Variants in BPI observed in about 807,000 individuals in gnomAD.
BPI encodes the protein bactericidal permeability-increasing protein.
BPI carries 48 observed loss-of-function variants against 57.6 expected under a neutral mutation model. That is an observed-to-expected ratio of 0.83 (90% CI 0.66 to 1.06). The LOEUF is 1.06. BPI is among the 50% of genes least tolerant of loss of function. The pLI is 0.00. For missense variants in BPI, 651 were observed against 609.7 expected, an observed-to-expected ratio of 1.07 and a Z score of -0.71; for synonymous variants, 237 against 238.2, an observed-to-expected ratio of 0.99 and a Z score of 0.05.
intron 1 of BPI, among the ~76,000 whole-genome samples, chr20:38,305,605 A>G (rs1377680623): frequency 1.3e-5 from 2 of 151,748 alleles, no homozygotes; most frequent in Non-Finnish European, 2.9e-5. Context: ...GTTATGTGTC[A>G]TTTACTTTTG....
intron 4 of BPI, 82 bp from the exon 5 acceptor site, chr20:38,311,792 C>T: frequency 7.0e-7 from 1 of 1,421,858 alleles, no homozygotes. Context: ...GGGAAGAAAG[C>T]TTTTGAGATG....
intron 5 of BPI, among the ~76,000 whole-genome samples, chr20:38,315,984 C>T (rs1264776541): frequency 6.6e-6 from 1 of 152,064 alleles, no homozygotes; most frequent in Non-Finnish European, 1.5e-5. Context: ...AGGTATCTGC[C>T]ACCATGCCTG....
At chr20:38,329,301 C>T (rs2076730431) in intron 11 of BPI, among the ~76,000 whole-genome samples, 1 of 152,172 alleles carries the variant, frequency 6.6e-6, no homozygotes, top group Non-Finnish European at 1.5e-5. Context: ...CTCTTCAGCA[C>T]ATTTGCGCTG....
intron 11 of BPI, among the ~76,000 whole-genome samples, chr20:38,327,864 G>A (rs990592062): frequency 6.6e-6 from 1 of 152,170 alleles, no homozygotes; most frequent in Non-Finnish European, 1.5e-5. Context: ...CTTGCTCGAG[G>A]TCACACATTG....
chr20:38,309,652 C>T (rs894934509), intron 3 of BPI, among the ~76,000 whole-genome samples: 1 of 152,196 alleles, frequency 6.6e-6, no homozygotes, highest in Non-Finnish European at 1.5e-5. Flanking sequence ...AGCAAAGGCA[C>T]CTTCCTCAAC....
intron 5 of BPI, among the ~76,000 whole-genome samples, chr20:38,313,719 T>C (rs930009726): frequency 1.4e-4 from 22 of 152,040 alleles, no homozygotes; most frequent in African/African-American, 5.1e-4. Flanking sequence ...GTGGGGATGA[T>C]GGTGATGATG....
chr20:38,306,012 T>A (rs1479944450), intron 1 of BPI, among the ~76,000 whole-genome samples: 3 of 152,212 alleles, frequency 2.0e-5, no homozygotes, highest in Non-Finnish European at 4.4e-5. Context: ...ATTAGGACAT[T>A]ATTTATTCAT....
In BPI at chr20:38,324,828, C is replaced by T; in HGVS notation, c.988C>T (p.Pro330Ser). The T allele has an allele frequency of 1.2e-6, 2 of 1,611,938 alleles. No homozygotes were observed. Among genetic ancestry groups the T allele is most frequent in the Non-Finnish European group, 1.7e-6 (2 of 1,178,016 alleles). ...AACCAAGTTCTTTGGAACCTTCCTA[C>T]CTGAGGTATGGAAGACCTTGCTTTC... is the stretch of plus-strand genomic sequence containing the variant. ...LTTKFFGTFL[P>S]EVAKKFPNMK... Residue 330 changes from proline (P) to serine (S), a missense_variant, in exon 9 of 15, where the codon CCT becomes TCT. Transcript: ENST00000642449.
intron 8 of BPI, 122 bp from the exon 9 acceptor site, chr20:38,324,652 T>G (rs2076702900): frequency 3.8e-6 from 3 of 794,690 alleles, no homozygotes; most frequent in Admixed American, 3.9e-5. Flanking sequence ...TGCTCTGTTG[T>G]CACATAGGGG....
At chr20:38,318,509 G>C (rs369076983) in intron 6 of BPI, 33 bp downstream of exon 6, 2 of 1,600,926 alleles carry the variant, frequency 1.2e-6, no homozygotes, top group African/African-American at 2.7e-5. Context: ...GGATAGAAAG[G>C]AACAGAAATG....
At chr20:38,314,796 T>G (rs2122513059) in intron 5 of BPI, among the ~76,000 whole-genome samples, 1 of 147,066 alleles carries the variant, frequency 6.8e-6, no homozygotes, top group South Asian at 2.2e-4. Flanking sequence ...GGTGGTATGG[T>G]GAGATTGATG....
intron 7 of BPI, among the ~76,000 whole-genome samples, chr20:38,321,188 C>T (rs1051289805): frequency 2.7e-5 from 2 of 74,200 alleles, no homozygotes; most frequent in Non-Finnish European, 5.1e-5. Context: ...TGGATGGATA[C>T]ATGGATAGAT....
In BPI at chr20:38,333,956, G is replaced by A. The variant is rs531277352; in HGVS notation, c.1273-474G>A. ...CCTCCTGGTCTCAAGTGATCTTCTC[G>A]CCTCAGCCTCCCAAAGCACTGCTGT... On this transcript the variant is annotated intron_variant, in intron 12 of 14. Coordinates refer to ENST00000642449, the MANE Select transcript of BPI (RefSeq NM_001725.3). Among the ~76,000 whole-genome samples the A allele has an allele frequency of 1.0e-4, 15 of 149,014 alleles. No homozygotes were observed. The South Asian group carries it at 1.5e-3, about 15-fold the overall frequency.
chr20:38,315,347 G>A (rs2076647127), intron 5 of BPI, among the ~76,000 whole-genome samples: 2 of 152,202 alleles, frequency 1.3e-5, no homozygotes, highest in Non-Finnish European at 2.9e-5. Flanking sequence ...GGAGGGTCTG[G>A]AAATGGTGAG....
intron 14 of BPI, 27 bp downstream of exon 14, chr20:38,335,701 T>C (rs1245985669): frequency 6.2e-7 from 1 of 1,605,318 alleles, no homozygotes; most frequent in Non-Finnish European, 8.5e-7. Flanking sequence ...TTTCCACAAA[T>C]CTCCCCTAAC....
chr20:38,314,164 T>C (rs964561636), intron 5 of BPI, among the ~76,000 whole-genome samples: 1 of 83,450 alleles, frequency 1.2e-5, no homozygotes, highest in African/African-American at 4.1e-5. Flanking sequence ...AGGATGGTGA[T>C]GGTGGGGATG....
chr20:38,328,705 G>C (rs755177092), intron 11 of BPI, among the ~76,000 whole-genome samples: 3 of 151,438 alleles, frequency 2.0e-5, no homozygotes, highest in Admixed American at 1.3e-4. Flanking sequence ...TGCAGAAAGA[G>C]AGAAATACAG....
In BPI at chr20:38,304,341, G is replaced by A. The variant is rs756293467; in HGVS notation, c.118G>A (p.Gly40Ser). 11 of 1,613,534 alleles carry A rather than the reference G, an allele frequency of 6.8e-6. No individual in the cohort carries two copies. The South Asian group carries it at 7.7e-5, about 11-fold the overall frequency. The change falls in exon 1 of 15, where the codon GGC becomes AGC. Residue 40 changes from glycine to serine, a missense_variant. By Grantham distance (56) the Gly-to-Ser change is moderately conservative (BLOSUM62 0). Coordinates refer to ENST00000642449, the MANE Select transcript of BPI (RefSeq NM_001725.3). Reference sequence around the variant, plus strand: ...CGTCGTGGTCAGGATCTCCCAGAAGGGCCTGGACTACGGTAACTGGATGCC... The same window carrying A: ...CGTCGTGGTCAGGATCTCCCAGAAGAGCCTGGACTACGGTAACTGGATGCC... ...PGVVVRISQK[G>S]LDYASQQGTA...
intron 5 of BPI, among the ~76,000 whole-genome samples, chr20:38,313,797 GGAT>G (rs913587567): frequency 2.8e-5 from 4 of 141,042 alleles, no homozygotes; most frequent in South Asian, 2.5e-4. Context: ...GTGATGGTGG[GGAT>G]GATGATGATG....
Sources: allele counts gnomAD v4.1 joint callset (sites outside exome capture counted in the v4.1 genomes callset), GRCh38; gene constraint gnomAD v4.1.1; transcripts MANE v1.5; gene names NCBI Gene and HGNC (gene_info 2026-07-23, HGNC 2026-07-21).